Variants in STX5 observed in about 807,000 individuals in gnomAD.
STX5 encodes syntaxin-5.
Under a neutral mutation model 42.9 loss-of-function variants are expected in STX5, and 15 were observed. The ratio of observed to expected loss-of-function variants is 0.35; its 90% CI spans 0.23 to 0.54. The LOEUF (loss-of-function observed/expected upper bound fraction) is 0.54, where lower values mean the gene tolerates loss of function less well. Ranked by LOEUF, STX5 falls within the 20% of genes least tolerant of loss-of-function variation. The probability of loss-of-function intolerance (pLI) is 0.91; values close to 1 mark genes in which losing one functional copy is unlikely to be tolerated. For missense variants in STX5, 430 were observed against 455.0 expected, an observed-to-expected ratio of 0.95 and a Z score of 0.50; for synonymous variants, 184 against 173.2, an observed-to-expected ratio of 1.06 and a Z score of -0.49.
chr11:62,812,879 G>A (rs559246531), intron 10 of STX5, among the ~76,000 whole-genome samples: 5 of 151,700 alleles, frequency 3.3e-5, no homozygotes, highest in South Asian at 2.1e-4. Flanking sequence ...TTGGGAGGCC[G>A]AGGTGGGCGG....
At chr11:62,818,727 G>A (rs1429213698) in intron 10 of STX5, among the ~76,000 whole-genome samples, 2 of 151,416 alleles carry the variant, frequency 1.3e-5, no homozygotes, top group African/African-American at 4.8e-5. Flanking sequence ...GCCTGGTGTG[G>A]TGGTGTATGC....
At chr11:62,828,999 G>A (rs1365336503) in intron 2 of STX5, among the ~76,000 whole-genome samples, 1 of 151,844 alleles carries the variant, frequency 6.6e-6, no homozygotes, top group East Asian at 1.9e-4. Context: ...AGAGGTGGAG[G>A]CTGCAGTGAA....
intron 7 of STX5, 79 bp downstream of exon 7, chr11:62,825,204 G>A (rs1303889255): frequency 1.2e-6 from 2 of 1,611,116 alleles, no homozygotes; most frequent in African/African-American, 1.3e-5. Flanking sequence ...CCATGACCCT[G>A]TAGAACTTGT....
chr11:62,824,821 T>C (rs1171421934), intron 8 of STX5, among the ~76,000 whole-genome samples: 1 of 152,226 alleles, frequency 6.6e-6, no homozygotes, highest in African/African-American at 2.4e-5. Flanking sequence ...ATTATCATTA[T>C]TCTGAATATA....
chr11:62,808,432 G>GA (rs2084577266), intron 10 of STX5, among the ~76,000 whole-genome samples: 2 of 142,148 alleles, frequency 1.4e-5, no homozygotes, highest in African/African-American at 5.4e-5. Context: ...TGCCTCAGGG[G>GA]GAAAAAAAAA....
intron 2 of STX5, among the ~76,000 whole-genome samples, chr11:62,829,101 G>A (rs954334709): frequency 6.6e-6 from 1 of 150,880 alleles, no homozygotes; most frequent in Non-Finnish European, 1.5e-5. Flanking sequence ...AACACAAACT[G>A]CTTACTCGGG....
intron 2 of STX5, among the ~76,000 whole-genome samples, chr11:62,828,846 C>T (rs768459450): frequency 1.3e-4 from 20 of 152,108 alleles, no homozygotes; most frequent in Admixed American, 1.3e-3. Flanking sequence ...GCAAGCAGAT[C>T]ACGAGGTCAA....
Position 62,824,271 on chromosome 11 carries a change from C to T in STX5, c.803G>A (p.Ser268Asn). 1 of 1,614,206 alleles carries T rather than the reference C, an allele frequency of 6.2e-7. No individual in the cohort carries two copies. Among genetic ancestry groups the T allele is most frequent in the Non-Finnish European group, 8.5e-7 (1 of 1,180,040 alleles). The change falls in exon 10 of 11, where the codon AGT becomes AAT. Residue 268 changes from serine to asparagine, a missense_variant. Coordinates refer to ENST00000294179, the MANE Select transcript of STX5 (RefSeq NM_003164.5). The part of the protein sequence containing the change: ...LIDEQDSYIQ[S>N]RADTMQNIES... Reference sequence around the variant, plus strand: ...AATGTTCTGCATGGTGTCTGCCCGACTCTGGATGTAGGAATCCTTCAGGAG... The same window carrying T: ...AATGTTCTGCATGGTGTCTGCCCGATTCTGGATGTAGGAATCCTTCAGGAG...
rs2084775639 is a variant in STX5 at position 62,824,681 on chromosome 11, G to A, written c.680-116C>T. 9.5e-6 allele frequency: 9 copies of A among 944,962 alleles called. No individual in the cohort carries two copies. In the South Asian group the frequency reaches 1.3e-4, roughly 14 times the overall value. 58.5% of individuals were successfully genotyped at this position (944,962 alleles called of 1,614,324 possible). ...TTACTAGCCTTGTGACCCTGGACAG[G>A]TCATTTAACCTCTCTGAGCCTCAGT... On this transcript the variant is annotated intron_variant, in intron 8 of 10. Transcript: ENST00000294179.
intron 10 of STX5, among the ~76,000 whole-genome samples, chr11:62,822,453 TCC>T (rs2084750248): frequency 6.6e-6 from 1 of 152,100 alleles, no homozygotes; most frequent in African/African-American, 2.4e-5. Flanking sequence ...GTCTCACAGT[TCC>T]CCTCTGACCA....
chr11:62,826,332 C>T (rs2084795304), intron 5 of STX5, among the ~76,000 whole-genome samples: 1 of 150,454 alleles, frequency 6.6e-6, no homozygotes, highest in Non-Finnish European at 1.5e-5. Flanking sequence ...CTGAGGTGGG[C>T]GGATCACCTG....
chr11:62,820,089 G>A (rs2084722667), intron 10 of STX5, among the ~76,000 whole-genome samples: 1 of 151,610 alleles, frequency 6.6e-6, no homozygotes, highest in Non-Finnish European at 1.5e-5. Context: ...GGGCAGAATC[G>A]GCCGGGTGCG....
rs1354318697 is a variant in STX5, at chr11:62,824,937, C to G, written c.679+99G>C. On this transcript the variant is annotated intron_variant, in intron 8 of 10. Coordinates refer to ENST00000294179, the MANE Select transcript of STX5 (RefSeq NM_003164.5). ...GATAAAGCCTAGAAAATTCCTTGAC[C>G]TTCCACTCTCCTACCCAACCCGTGC... The G allele has an allele frequency of 4.0e-6, 5 of 1,247,556 alleles. No homozygotes were observed. The East Asian group carries it at 1.2e-4, about 31-fold the overall frequency. 77.3% of individuals were successfully genotyped at this position (1,247,556 alleles called of 1,614,324 possible).
chr11:62,824,425 G>A (rs765729989), intron 9 of STX5, 34 bp downstream of exon 9: 2 of 1,613,736 alleles, frequency 1.2e-6, no homozygotes, highest in Admixed American at 1.7e-5. Context: ...GGATAATGGA[G>A]AAGCTGATTC....
Position 62,807,302 on chromosome 11 carries a change from G to T in STX5, c.*167C>A. 9.6e-7 allele frequency: 1 copy of T among 1,046,170 alleles called. No homozygotes were observed. Among genetic ancestry groups the T allele is most frequent in the Non-Finnish European group, 1.3e-6 (1 of 745,678 alleles). The allele number at this position is 1,046,170 out of a possible 1,614,324, so 64.8% of individuals were successfully genotyped here. A position where few individuals can be genotyped will look rare whatever the true frequency, so the allele number is the denominator to read the frequency against. ...GAGGGTGGTGGGGGGAGGACAGGGT[G>T]GCCAGAGGCAAGGGGTGGGGGATCA... On this transcript the variant is annotated 3_prime_UTR_variant, in exon 11 of 11. Transcript: ENST00000294179.
At chr11:62,826,794 C>T (rs1295744981) in intron 5 of STX5, among the ~76,000 whole-genome samples, 4 of 149,994 alleles carry the variant, frequency 2.7e-5, no homozygotes, top group Admixed American at 6.7e-5. Context: ...GCAGGAGAAT[C>T]GCTTGCACCT....
intron 10 of STX5, among the ~76,000 whole-genome samples, chr11:62,822,596 AGT>A (rs2084751661): frequency 6.6e-6 from 1 of 151,262 alleles, no homozygotes; most frequent in African/African-American, 2.4e-5. Flanking sequence ...CCTTCTCCCA[AGT>A]GTGATGCCAC....
intron 10 of STX5, among the ~76,000 whole-genome samples, chr11:62,809,673 C>CA (rs749188946): frequency 0.25 from 4,770 of 19,178 alleles, 1,836 homozygotes; most frequent in Middle Eastern, 0.58. Flanking sequence ...GACTCTGTCT[C>CA]AAAAAAAAAA....
rs1307582068 is a variant in STX5 at position 62,806,953 on chromosome 11, A to G, written c.*516T>C. 1 of 153,382 alleles carries G rather than the reference A, an allele frequency of 6.5e-6. No homozygotes were observed. Among genetic ancestry groups the G allele is most frequent in the Non-Finnish European group, 1.5e-5 (1 of 68,534 alleles). 9.5% of individuals were successfully genotyped at this position (153,382 alleles called of 1,614,324 possible). A position where few individuals can be genotyped will look rare whatever the true frequency, so the allele number is the denominator to read the frequency against. On this transcript the variant is annotated 3_prime_UTR_variant, in exon 11 of 11. Coordinates refer to ENST00000294179, the MANE Select transcript of STX5 (RefSeq NM_003164.5). ...AAACGAGCTGCAGCACATTTGGCAG[A>G]TTGAGTCACCAGCAGCCAATGTCAG...
Sources: allele counts gnomAD v4.1 joint callset (sites outside exome capture counted in the v4.1 genomes callset), GRCh38; gene constraint gnomAD v4.1.1; transcripts MANE v1.5; gene names NCBI Gene and HGNC (gene_info 2026-07-23, HGNC 2026-07-21).